The following HELQ variants were observed in gnomAD, a reference collection of about 807,000 sequenced individuals.
HELQ encodes the protein helicase, POLQ like.
Under a neutral mutation model 111.6 loss-of-function variants are expected in HELQ, and 77 were observed. The observed-to-expected ratio is 0.69, with a 90% CI of 0.57 to 0.83. HELQ has a LOEUF of 0.83. Among genes scored for constraint, HELQ ranks in the 40% least tolerant of loss-of-function variants. HELQ has a pLI of 0.00. For synonymous variants in HELQ, 438 were observed against 454.7 expected, an observed-to-expected ratio of 0.96 and a Z score of 0.47; for missense variants, 1,200 against 1,288.5, an observed-to-expected ratio of 0.93 and a Z score of 1.05.
chr4:83,453,483 T>C lies in HELQ; in HGVS notation c.760A>G (p.Arg254Gly), dbSNP rs1425155269. The C allele has an allele frequency of 6.2e-7, 1 of 1,612,594 alleles. No individual in the cohort carries two copies. Residue 254 changes from arginine (R) to glycine (G), a missense_variant, in exon 2 of 18, where the codon AGA (arginine) becomes GGA (glycine). This residue lies in a region of HELQ where 610 missense variants were observed against 607.1 expected (regional missense o/e 1.00). Transcript: ENST00000295488. ...QQNDESSSKVRTSSDMNRRKS... is the reference protein window; with the variant it reads ...QQNDESSSKVGTSSDMNRRKS... ...CTCCTGTTCATATCTGAACTAGTTC[T>C]GACTTTGGAAGAGGACTCATCATTT...
chr4:83,453,142 G>C, intron 2 of HELQ, 89 bp downstream of exon 2: 1 of 721,922 alleles, frequency 1.4e-6, no homozygotes, highest in Non-Finnish European at 2.3e-6. Context: ...AAACAGTATG[G>C]ACCATGAAAG....
chr4:83,437,347 T>C (rs2109995644), intron 8 of HELQ, among the ~76,000 whole-genome samples: 1 of 152,258 alleles, frequency 6.6e-6, no homozygotes, highest in Non-Finnish European at 1.5e-5. Flanking sequence ...ATGCGATGGC[T>C]CATGCCTGTA....
chr4:83,444,698 G>A (rs1720959098), intron 5 of HELQ, among the ~76,000 whole-genome samples: 1 of 152,100 alleles, frequency 6.6e-6, no homozygotes, highest in Non-Finnish European at 1.5e-5. Context: ...GATCATTCAA[G>A]AAACTCACTG....
intron 14 of HELQ, among the ~76,000 whole-genome samples, chr4:83,425,722 A>G (rs1159555153): frequency 6.6e-6 from 1 of 152,330 alleles, no homozygotes; most frequent in Admixed American, 6.5e-5. Flanking sequence ...AATTGAACTT[A>G]TATCAGGATT....
chr4:83,451,187 T>C (rs1721343222), intron 2 of HELQ, among the ~76,000 whole-genome samples: 1 of 152,206 alleles, frequency 6.6e-6, no homozygotes, highest in Non-Finnish European at 1.5e-5. Flanking sequence ...ATGTAATTAC[T>C]GACAATCATT....
Position 83,450,222 on chromosome 4 carries a change from TAAAAAAAAAAAAAAAA to T in HELQ, c.1013-1277_1013-1262del, listed in dbSNP as rs71668650. ...TGTATGTTCAATATACAGTTAAGTT[TAAAAAAAAAAAAAAAA>T]AAAAAAAAAAAAAAAAGCAGATCAT... On this transcript the variant is annotated intron_variant, in intron 2 of 17. Transcript: ENST00000295488. Among the ~76,000 whole-genome samples, 22 of 45,594 alleles carry T rather than the reference TAAAAAAAAAAAAAAAA, an allele frequency of 4.8e-4. 1 individual carries two copies. The Admixed American group carries it at 6.1e-3, about 13-fold the overall frequency. 29.9% of individuals were successfully genotyped at this position (45,594 alleles called of 152,430 possible).
chr4:83,427,447 G>A, intron 13 of HELQ, 116 bp downstream of exon 13: 2 of 742,324 alleles, frequency 2.7e-6, no homozygotes, highest in East Asian at 3.0e-5. Flanking sequence ...TTGAGCCTAG[G>A]AGTTTGAGAC....
Position 83,418,222 on chromosome 4 carries a change from A to T in HELQ, c.2950-16T>A. ...CCTCAAGCTCCTGTAGAACACAAAG[A>T]AATATATAAAATTTAAATTTTGTAA... On this transcript the variant is annotated splice_polypyrimidine_tract_variant and intron_variant, in intron 15 of 17. Coordinates refer to ENST00000295488, the MANE Select transcript of HELQ (RefSeq NM_133636.5). 7.3e-7 allele frequency: 1 copy of T among 1,379,294 alleles called. No homozygotes were observed. The highest frequency in any genetic ancestry group is 1.0e-6 in the Non-Finnish European group (1 of 995,402). 85.4% of individuals were successfully genotyped at this position (1,379,294 alleles called of 1,614,324 possible). A position where few individuals can be genotyped will look rare whatever the true frequency, so the allele number is the denominator to read the frequency against.
At chr4:83,422,413 G>C (rs908535266) in intron 14 of HELQ, among the ~76,000 whole-genome samples, 6 of 152,146 alleles carry the variant, frequency 3.9e-5, no homozygotes, top group African/African-American at 1.4e-4. Context: ...GATACAATCA[G>C]TTAAGGATCT....
rs1464252241 is a variant in HELQ, at chr4:83,455,817, A to G, written c.-124T>C. Reference sequence around the variant, plus strand: ...CCACCTTGGGAAAAGACCCCAAGTTAGCTCTCAGGGCTCGCGGACCGGAAG... The same window carrying G: ...CCACCTTGGGAAAAGACCCCAAGTTGGCTCTCAGGGCTCGCGGACCGGAAG... On this transcript the variant is annotated 5_prime_UTR_variant, in exon 1 of 18. Coordinates refer to ENST00000295488, the MANE Select transcript of HELQ (RefSeq NM_133636.5). 2 of 984,488 alleles carry G rather than the reference A, an allele frequency of 2.0e-6. No individual in the cohort carries two copies. The highest frequency in any genetic ancestry group is 1.5e-5 in the South Asian group (1 of 65,968). The allele number at this position is 984,488 out of a possible 1,614,324, so 61.0% of individuals were successfully genotyped here. A position where few individuals can be genotyped will look rare whatever the true frequency, so the allele number is the denominator to read the frequency against.
intron 3 of HELQ, 32 bp downstream of exon 3, chr4:83,448,751 A>T: frequency 6.4e-7 from 1 of 1,554,882 alleles, no homozygotes; most frequent in Non-Finnish European, 8.8e-7. Context: ...CTAGCAAATA[A>T]CATTTGTTTT....
rs982203112 is a variant in HELQ at position 83,449,293 on chromosome 4, A to G, written c.1013-332T>C. Reference sequence around the variant, plus strand: ...AGAGGAACAAAGGGACAGTACAAGGACCTGTGTGAATTCGAATGTCTTCCT... The same window carrying G: ...AGAGGAACAAAGGGACAGTACAAGGGCCTGTGTGAATTCGAATGTCTTCCT... On this transcript the variant is annotated intron_variant, in intron 2 of 17. Coordinates refer to ENST00000295488, the MANE Select transcript of HELQ (RefSeq NM_133636.5). 9.8e-5 allele frequency among the ~76,000 whole-genome samples: 15 copies of G among 152,290 alleles called. 1 individual carries two copies. The highest frequency in any genetic ancestry group is 8.5e-4 in the Admixed American group (13 of 15,290).
chr4:83,446,104 A>T lies in HELQ; in HGVS notation c.1393-18T>A, dbSNP rs771137042. On this transcript the variant is annotated intron_variant, in intron 4 of 17. Coordinates refer to ENST00000295488, the MANE Select transcript of HELQ (RefSeq NM_133636.5). ...ATGTGCAACTTCGAGATTTTTTTTA[A>T]AAAGGACAGAGAAGTAAATCTTCAT... 8 of 1,579,370 alleles carry T rather than the reference A, an allele frequency of 5.1e-6. No homozygotes were observed. Among genetic ancestry groups the T allele is most frequent in the African/African-American group, 1.3e-5 (1 of 74,196 alleles).
intron 14 of HELQ, among the ~76,000 whole-genome samples, chr4:83,424,381 C>T (rs750945570): frequency 6.6e-6 from 1 of 152,212 alleles, no homozygotes; most frequent in Non-Finnish European, 1.5e-5. Flanking sequence ...AAGTAAAAGA[C>T]CCAATCTAAA....
intron 17 of HELQ, among the ~76,000 whole-genome samples, chr4:83,408,245 C>T (rs561161388): frequency 3.0e-4 from 46 of 152,014 alleles, no homozygotes; most frequent in African/African-American, 1.1e-3. Flanking sequence ...AATTCCGCTC[C>T]CCCCCACCCG....
At chr4:83,409,305 C>T (rs1197698753) in intron 17 of HELQ, among the ~76,000 whole-genome samples, 1 of 152,126 alleles carries the variant, frequency 6.6e-6, no homozygotes, top group Non-Finnish European at 1.5e-5. Flanking sequence ...AATCCCAGCA[C>T]TTTGAGAGGC....
chr4:83,436,242 G>A (rs1487917847), intron 9 of HELQ, among the ~76,000 whole-genome samples: 2 of 152,066 alleles, frequency 1.3e-5, no homozygotes, highest in Admixed American at 6.5e-5. Flanking sequence ...TAGAGAAGCC[G>A]ATAACACAAT....
chr4:83,426,007 T>C lies in HELQ; in HGVS notation c.2762A>G (p.Gln921Arg). Residue 921 changes from glutamine (Q) to arginine (R), a missense_variant, in exon 14 of 18, where the codon CAA becomes CGA. Gln to Arg is a conservative substitution (Grantham distance 43). Coordinates refer to ENST00000295488, the MANE Select transcript of HELQ (RefSeq NM_133636.5). ...AGAATGTGGTACCTTTCCGATGGCT[T>C]GGCCTGATGCTTTCTTCCCAATAAA... ...ESFIGKKASG[Q>R]AIGKKVDKNV... is the part of the protein sequence containing the mutation. The C allele has an allele frequency of 6.3e-7, 1 of 1,591,388 alleles. No homozygotes were observed. Among genetic ancestry groups the C allele is most frequent in the African/African-American group, 1.3e-5 (1 of 74,562 alleles).
At chr4:83,414,205 G>C (rs1739248378) in intron 17 of HELQ, among the ~76,000 whole-genome samples, 2 of 152,140 alleles carry the variant, frequency 1.3e-5, no homozygotes, top group South Asian at 4.1e-4. Flanking sequence ...ATGGGCCCTA[G>C]AGCTGACTTC....
Sources: gnomAD v4.1 joint callset for allele counts (sites outside exome capture counted in the v4.1 genomes callset) on GRCh38, gnomAD v4.1.1 for gene constraint, gnomAD v4.1.1 regional missense constraint, MANE v1.5 for transcripts, NCBI Gene and HGNC (gene_info 2026-07-23, HGNC 2026-07-21) for gene names.